Variants in LAMA5 observed in about 807,000 individuals in gnomAD.
LAMA5 encodes laminin subunit alpha 5.
A neutral mutation model predicts 433.4 loss-of-function variants in LAMA5; 260 were observed. That is an observed-to-expected ratio of 0.60 (90% CI 0.54 to 0.66). The LOEUF is 0.66. Ranked by LOEUF, LAMA5 falls within the 30% of genes least tolerant of loss-of-function variation. The pLI is 0.00. For synonymous variants in LAMA5, 2,620 were observed against 2,226.6 expected, an observed-to-expected ratio of 1.18 and a Z score of -4.97; for missense variants, 5,378 against 5,258.5, an observed-to-expected ratio of 1.02 and a Z score of -0.70.
chr20:62,341,826 C>CAAAAAAAAAAAAAAAAAAAAAGAAAAAAA (rs1982634971), intron 11 of LAMA5, among the ~76,000 whole-genome samples: 1 of 128,156 alleles, frequency 7.8e-6, no homozygotes, highest in South Asian at 2.3e-4. Context: ...TCTGATCAAC[C>CAAAAAAAAAAAAAAAAAAAAAGAAAAAAA]AAAAAAAAAA....
chr20:62,322,628 C>A, intron 46 of LAMA5, 30 bp downstream of exon 46: 1 of 1,348,488 alleles, frequency 7.4e-7, no homozygotes, highest in South Asian at 1.3e-5. Context: ...AGGCCCCACC[C>A]ACCCAGCCCT....
chr20:62,314,259 G>T, intron 62 of LAMA5, 45 bp downstream of exon 62: 1 of 1,595,368 alleles, frequency 6.3e-7, no homozygotes, highest in Non-Finnish European at 8.5e-7. Flanking sequence ...AACGGGCAAG[G>T]GCCCTGCAGT....
chr20:62,315,140 A>G lies in LAMA5; in HGVS notation c.7935T>C (p.Arg2645=). The change falls in exon 59 of 80, where the codon CGT becomes CGC. Residue 2645 remains arginine, a synonymous_variant. Transcript: ENST00000252999. The part of the protein sequence containing the change: ...VAAEAQDTAT[R]VQSQLQAMQE... ...GCATGGCCTGCAGCTGGGACTGCAC[A>G]CGGGTGGCGGTGTCCTGGGCTTCAG... 1 of 1,610,386 alleles carries G rather than the reference A, an allele frequency of 6.2e-7. No homozygotes were observed. The highest frequency in any genetic ancestry group is 1.3e-5 in the African/African-American group (1 of 75,016).
In LAMA5 at chr20:62,314,784, G is replaced by A. The variant is rs765173740; in HGVS notation, c.8196+15C>T. 5 of 1,612,836 alleles carry A rather than the reference G, an allele frequency of 3.1e-6. No individual in the cohort carries two copies. The East Asian group carries it at 6.7e-5, about 22-fold the overall frequency. ...CCCTCCCTGATGTCCACCTTCCCCTGGGACTCTCACCCACCTTACTGGCAG... is the reference window on the plus strand; with the variant it reads ...CCCTCCCTGATGTCCACCTTCCCCTAGGACTCTCACCCACCTTACTGGCAG... On this transcript the variant is annotated intron_variant, in intron 60 of 79. Coordinates refer to ENST00000252999, the MANE Select transcript of LAMA5 (RefSeq NM_005560.6).
intron 50 of LAMA5, among the ~76,000 whole-genome samples, 195 bp downstream of exon 50, chr20:62,320,364 C>T (rs1245266083): frequency 7.1e-6 from 1 of 141,116 alleles, no homozygotes; most frequent in African/African-American, 2.6e-5. Context: ...TGATATTATA[C>T]ACTGTAAACA....
At position 62,338,048 on chromosome 20, in the gene LAMA5, C is replaced by T. The variant is rs376082082; in HGVS notation, c.1859G>A (p.Arg620His). 3.7e-5 allele frequency: 59 copies of T among 1,602,830 alleles called. No individual in the cohort carries two copies. The African/African-American group carries it at 4.1e-4, about 11-fold the overall frequency. ...GTTGGGGAAACCATGGTAGCCAGGG[C>T]GGCACCGGTCACAATGAGGTCCAGC... ...EFAGPHCDRCRPGYHGFPNCQ... is the reference protein window; with the variant it reads ...EFAGPHCDRCHPGYHGFPNCQ... The change falls in exon 14 of 80, where the codon CGC becomes CAC. Residue 620 changes from arginine (R) to histidine (H), a missense_variant. Coordinates refer to ENST00000252999, the MANE Select transcript of LAMA5 (RefSeq NM_005560.6).
Position 62,318,994 on chromosome 20 carries a change from G to T in LAMA5, c.6891C>A (p.Gly2297=). The stretch of plus-strand genomic sequence containing the variant: ...CCGAGGCATTGGCCAGCCCCAGGTG[G>T]CCCGTCTGGGACATGAGCTCTGTGG... ...RTLSELMSQT[G]HLGLANASAP... The change falls in exon 52 of 80, where the codon GGC becomes GGA. Residue 2297 remains glycine, a synonymous_variant. Transcript: ENST00000252999. 1 of 1,587,748 alleles carries T rather than the reference G, an allele frequency of 6.3e-7. No individual in the cohort carries two copies.
In LAMA5 at chr20:62,352,134, C is replaced by T. The variant is rs1180017064; in HGVS notation, c.688-55G>A. The T allele has an allele frequency of 2.5e-6, 4 of 1,589,608 alleles. No individual in the cohort carries two copies. In the African/African-American group the frequency reaches 4.0e-5, roughly 16 times the overall value. On this transcript the variant is annotated intron_variant, in intron 4 of 79. Transcript: ENST00000252999. ...GGCCCTAGCCCCTGCTCAGCACTGC[C>T]CCTCCCGGGCCCACCTTTCCCTTCT...
chr20:62,348,913 G>A (rs545886216), intron 6 of LAMA5, among the ~76,000 whole-genome samples: 30 of 152,202 alleles, frequency 2.0e-4, no homozygotes, highest in African/African-American at 6.0e-4. Flanking sequence ...GGACTCCAGG[G>A]GAAAAGAGGT....
rs779335382 is a variant in LAMA5, at chr20:62,329,825, G to A, written c.4071C>T (p.Ser1357=). The A allele has an allele frequency of 8.7e-6, 14 of 1,612,386 alleles. No homozygotes were observed. Among genetic ancestry groups the A allele is most frequent in the Admixed American group, 8.3e-5 (5 of 59,970 alleles). ...GCACACGCACGGTCACAGTGAGCTCGCTGTGGGTCACGTCCAGCAGGGCCT... is the reference window on the plus strand; with the variant it reads ...GCACACGCACGGTCACAGTGAGCTCACTGTGGGTCACGTCCAGCAGGGCCT... ...EGQALLDVTH[S]ELTVTVRVPK... is the part of the protein sequence containing the mutation. Residue 1357 remains serine, a synonymous_variant, in exon 32 of 80, where the codon AGC becomes AGT. Transcript: ENST00000252999.
At chr20:62,365,439 C>T (rs1280665586) in intron 1 of LAMA5, among the ~76,000 whole-genome samples, 1 of 152,230 alleles carries the variant, frequency 6.6e-6, no homozygotes, top group Non-Finnish European at 1.5e-5. Flanking sequence ...GGTAATAAGC[C>T]CCCACAGAGG....
rs1986286060 is a variant in LAMA5, at chr20:62,311,652, G to T, written c.9768C>A (p.Tyr3256Ter). ...CGTTGCTGATGCAGCCACTGAAGTT[G>T]TAAATGGTGCCAGACTCAGGCAGGC... ...LGGLPESGTI[Y>*]NFSGCISNVF... The change falls in exon 71 of 80, where the codon TAC (tyrosine) becomes TAA (stop). Residue 3256 changes from tyrosine to a stop codon, truncating the protein, a stop_gained. Transcript: ENST00000252999. LOFTEE classifies it high-confidence loss of function. 8.1e-6 allele frequency: 13 copies of T among 1,600,868 alleles called. No individual in the cohort carries two copies. The highest frequency in any genetic ancestry group is 1.1e-5 in the Non-Finnish European group (13 of 1,174,926).
intron 40 of LAMA5, among the ~76,000 whole-genome samples, chr20:62,326,100 G>C (rs575287545): frequency 3.9e-5 from 6 of 152,204 alleles, no homozygotes; most frequent in Non-Finnish European, 8.8e-5. Flanking sequence ...GGTGCCTATA[G>C]TCCCAGCTAC....
chr20:62,324,114 T>G lies in LAMA5; in HGVS notation c.5734A>C (p.Ser1912Arg). The G allele has an allele frequency of 6.6e-7, 1 of 1,519,168 alleles. No individual in the cohort carries two copies. The highest frequency in any genetic ancestry group is 8.8e-7 in the Non-Finnish European group (1 of 1,136,112). The allele number at this position is 1,519,168 out of a possible 1,614,324, so 94.1% of individuals were successfully genotyped here. A position where few individuals can be genotyped will look rare whatever the true frequency, so the allele number is the denominator to read the frequency against. The change falls in exon 43 of 80, where the codon AGC (serine) becomes CGC (arginine). Residue 1912 changes from serine to arginine, a missense_variant. Transcript: ENST00000252999. This position sits in a 1 kb window ranked among gnomAD's most constrained non-coding sequence, Gnocchi z 4.4. ...SRDDPSAPCV[S>R]CPCPLSVPSN... The stretch of plus-strand genomic sequence containing the variant: ...GGCACTGAGAGGGGGCAGGGGCAGC[T>G]GACACAGGGGGCGCTGGGGTCGTCC...
chr20:62,340,631 C>T (rs1346465136), intron 11 of LAMA5, among the ~76,000 whole-genome samples: 1 of 152,002 alleles, frequency 6.6e-6, no homozygotes, highest in African/African-American at 2.4e-5. Flanking sequence ...TTTAACATGC[C>T]AAATCGGTAC....
In LAMA5 at chr20:62,311,769, G is replaced by C. The variant is rs372954388; in HGVS notation, c.9651C>G (p.Val3217=). The change falls in exon 71 of 80, where the codon GTC becomes GTG. Residue 3217 remains valine (V), a synonymous_variant. Transcript: ENST00000252999. ...YSNATGVWLY[V]DDQLQQMKPH... ...GCTTCATCTGCTGGAGCTGGTCATC[G>C]ACATACAGCCAGACTCTGGGGGGCG... is the stretch of plus-strand genomic sequence containing the variant. 2.6e-6 allele frequency: 4 copies of C among 1,562,092 alleles called. No individual in the cohort carries two copies. Among genetic ancestry groups the C allele is most frequent in the Non-Finnish European group, 3.5e-6 (4 of 1,154,988 alleles).
At chr20:62,309,880 G>A (rs1462530579) in intron 78 of LAMA5, 45 bp from the exon 79 acceptor site, 1 of 1,608,468 alleles carries the variant, frequency 6.2e-7, no homozygotes, top group African/African-American at 1.3e-5. Flanking sequence ...CCTCAGCCCA[G>A]CCTCTCTCCA....
chr20:62,317,564 C>G, intron 54 of LAMA5, 65 bp from the exon 55 acceptor site: 1 of 1,521,512 alleles, frequency 6.6e-7, no homozygotes, highest in Non-Finnish European at 8.8e-7. Flanking sequence ...ACCCTGAGGG[C>G]GGGCTCTGCA....
At chr20:62,356,890 G>A (rs1428980399) in intron 2 of LAMA5, among the ~76,000 whole-genome samples, 1 of 152,258 alleles carries the variant, frequency 6.6e-6, no homozygotes, top group Non-Finnish European at 1.5e-5. Context: ...CCGCAGAGAC[G>A]CTGAGAGGCC....
Sources: allele counts gnomAD v4.1 joint callset (sites outside exome capture counted in the v4.1 genomes callset), GRCh38; gene constraint gnomAD v4.1.1; non-coding constraint Gnocchi (gnomAD v3.1); transcripts MANE v1.5; gene names NCBI Gene and HGNC (gene_info 2026-07-23, HGNC 2026-07-21).